Variants in PDE4B observed in about 807,000 individuals in gnomAD.
PDE4B encodes the protein 3',5'-cyclic-AMP phosphodiesterase 4B.
Under a neutral mutation model 82.2 loss-of-function variants are expected in PDE4B, and 20 were observed. The ratio of observed to expected loss-of-function variants is 0.24; its 90% CI spans 0.17 to 0.35. The LOEUF (loss-of-function observed/expected upper bound fraction) is 0.35, where lower values mean the gene tolerates loss of function less well. Ranked by LOEUF, PDE4B falls within the 10% of genes least tolerant of loss-of-function variation. The pLI is 1.00. For synonymous variants in PDE4B, 320 were observed against 318.9 expected (o/e 1.00, Z -0.04); for missense variants, 655 against 907.2 (o/e 0.72, Z 3.57).
intron 3 of PDE4B, among the ~76,000 whole-genome samples, chr1:66,200,020 G>A (rs933859217): frequency 5.3e-5 from 8 of 152,078 alleles, no homozygotes; most frequent in Non-Finnish European, 1.2e-4. Flanking sequence ...ATTAATTTTT[G>A]TATAAGGTGT....
chr1:65,934,435 A>G (rs1648010659), intron 3 of PDE4B, among the ~76,000 whole-genome samples: 1 of 152,218 alleles, frequency 6.6e-6, no homozygotes. Flanking sequence ...TCCTGTCTCA[A>G]TAAAAAATAA....
At chr1:66,176,521 C>T (rs1244009125) in intron 3 of PDE4B, among the ~76,000 whole-genome samples, 1 of 152,104 alleles carries the variant, frequency 6.6e-6, no homozygotes, top group Non-Finnish European at 1.5e-5. Context: ...TAACTATAGC[C>T]CTCAATTTAT....
chr1:65,980,286 A>G (rs1055055317), intron 3 of PDE4B, among the ~76,000 whole-genome samples: 8 of 152,232 alleles, frequency 5.3e-5, no homozygotes, highest in African/African-American at 1.9e-4. Flanking sequence ...TAGAGCCATC[A>G]TAGGGTTAAA....
chr1:65,864,985 G>A (rs1222067646), intron 1 of PDE4B, among the ~76,000 whole-genome samples: 1 of 152,158 alleles, frequency 6.6e-6, no homozygotes, highest in Non-Finnish European at 1.5e-5. Context: ...GCCCACAACC[G>A]CCCCTTCCCC....
chr1:65,895,530 A>G (rs1406792165), intron 1 of PDE4B, among the ~76,000 whole-genome samples: 1 of 137,712 alleles, frequency 7.3e-6, no homozygotes, highest in Non-Finnish European at 1.5e-5. Flanking sequence ...AGCCTGTGTG[A>G]CAGAGTGAGA....
At chr1:66,102,690 CA>C (rs1645251331) in intron 3 of PDE4B, among the ~76,000 whole-genome samples, 1 of 151,922 alleles carries the variant, frequency 6.6e-6, no homozygotes, top group Non-Finnish European at 1.5e-5. Context: ...GAAAAAAACA[CA>C]AATATAAGGG....
intron 1 of PDE4B, among the ~76,000 whole-genome samples, chr1:65,868,991 G>T (rs1388746045): frequency 2.6e-5 from 4 of 152,298 alleles, no homozygotes; most frequent in Admixed American, 6.5e-5. Flanking sequence ...AAAGGTTGGG[G>T]ACCACTGCCC....
At chr1:66,255,671 C>T (rs1041506101) in intron 4 of PDE4B, among the ~76,000 whole-genome samples, 11 of 152,220 alleles carry the variant, frequency 7.2e-5, no homozygotes, top group Non-Finnish European at 1.2e-4. Context: ...TCAATCAAGA[C>T]TTTCCTACTT....
chr1:66,198,428 C>A (rs1049844234), intron 3 of PDE4B, among the ~76,000 whole-genome samples: 2 of 151,940 alleles, frequency 1.3e-5, no homozygotes, highest in African/African-American at 4.8e-5. Flanking sequence ...TTGTATTTGA[C>A]AAAACATTCA....
chr1:65,837,094 T>G (rs1481019280), intron 1 of PDE4B, among the ~76,000 whole-genome samples: 1 of 151,924 alleles, frequency 6.6e-6, no homozygotes, highest in Non-Finnish European at 1.5e-5. Flanking sequence ...AGCACCAGTT[T>G]TTTTTTTTTT....
At chr1:65,982,380 T>C (rs1650734366) in intron 3 of PDE4B, among the ~76,000 whole-genome samples, 1 of 152,142 alleles carries the variant, frequency 6.6e-6, no homozygotes, top group African/African-American at 2.4e-5. Flanking sequence ...ACAGACTACA[T>C]TGAAGAAGGA....
intron 3 of PDE4B, among the ~76,000 whole-genome samples, chr1:66,217,787 T>C (rs1322337763): frequency 1.3e-5 from 2 of 152,152 alleles, no homozygotes; most frequent in African/African-American, 4.8e-5. Flanking sequence ...TGCAACTGTA[T>C]CTGGGATCTT....
chr1:65,918,755 G>A lies in PDE4B; in HGVS notation c.201G>A (p.Glu67=). Residue 67 remains glutamate, a synonymous_variant, in exon 3 of 17, where the codon GAG becomes GAA. Coordinates refer to ENST00000341517, the MANE Select transcript of PDE4B (RefSeq NM_002600.4). ...AGAGTGAAAGGGCAAGGACTCCTGA[G>A]GGAGATGGTATTTCCAGGCCGACCA... ...QRQSERARTP[E]GDGISRPTTL... The A allele has an allele frequency of 6.2e-7, 1 of 1,614,038 alleles. No homozygotes were observed. The highest frequency in any genetic ancestry group is 8.5e-7 in the Non-Finnish European group (1 of 1,179,874).
chr1:66,343,072 A>C (rs923849748), intron 8 of PDE4B, among the ~76,000 whole-genome samples: 7 of 141,164 alleles, frequency 5.0e-5, no homozygotes, highest in Non-Finnish European at 9.3e-5. Flanking sequence ...AAACAACAAC[A>C]AAAAAAAACA....
At chr1:65,927,282 G>C (rs1415314766) in intron 3 of PDE4B, among the ~76,000 whole-genome samples, 2 of 151,450 alleles carry the variant, frequency 1.3e-5, no homozygotes, top group Non-Finnish European at 1.5e-5. Flanking sequence ...ACAATGCACT[G>C]GGTGGTTATA....
chr1:65,918,167 A>G (rs370289779), intron 2 of PDE4B, among the ~76,000 whole-genome samples: 26 of 152,348 alleles, frequency 1.7e-4, no homozygotes, highest in Admixed American at 6.5e-4. Flanking sequence ...AAATAAATAA[A>G]TACATAAAAT....
intron 3 of PDE4B, among the ~76,000 whole-genome samples, chr1:66,124,714 G>A (rs536378648): frequency 3.2e-4 from 48 of 151,938 alleles, no homozygotes; most frequent in African/African-American, 1.1e-3. Context: ...TTTGTTCAAT[G>A]TTGTTTCCTC....
intron 3 of PDE4B, among the ~76,000 whole-genome samples, chr1:66,136,432 G>A (rs1646056420): frequency 6.6e-6 from 1 of 152,180 alleles, no homozygotes; most frequent in South Asian, 2.1e-4. Flanking sequence ...GCAGGGCACA[G>A]TGGCTCATGC....
intron 16 of PDE4B, among the ~76,000 whole-genome samples, chr1:66,371,135 A>ATATATATATATATATAT (rs1570800975): frequency 1.6e-5 from 1 of 63,704 alleles, no homozygotes; most frequent in African/African-American, 4.4e-5. Flanking sequence ...TATATATATA[A>ATATATATATATATATAT]TTTTATTTAT....
Sources: gnomAD v4.1 joint callset for allele counts (sites outside exome capture counted in the v4.1 genomes callset) on GRCh38, gnomAD v4.1.1 for gene constraint, MANE v1.5 for transcripts, NCBI Gene and HGNC (gene_info 2026-07-23, HGNC 2026-07-21) for gene names.